Variants in AKAP6 observed in about 807,000 individuals in gnomAD.
The protein encoded by AKAP6 is A-kinase anchor protein 6.
A neutral mutation model predicts 188.5 loss-of-function variants in AKAP6; 58 were observed. The ratio of observed to expected loss-of-function variants is 0.31; its 90% CI spans 0.25 to 0.38. The LOEUF is 0.38. AKAP6 is among the 10% of genes least tolerant of loss of function. The pLI is 1.00. For missense variants in AKAP6, 2,710 were observed against 2,740.0 expected, an observed-to-expected ratio of 0.99 and a Z score of 0.24; for synonymous variants, 989 against 998.6, an observed-to-expected ratio of 0.99 and a Z score of 0.18.
chr14:32,473,531 A>G (rs749767890), intron 2 of AKAP6, among the ~76,000 whole-genome samples: 15 of 152,218 alleles, frequency 9.9e-5, no homozygotes, highest in Non-Finnish European at 2.2e-4. Context: ...CCAAAGCAGA[A>G]AGAGAGAAAG....
At chr14:32,498,702 G>A (rs1880451376) in intron 2 of AKAP6, among the ~76,000 whole-genome samples, 1 of 152,000 alleles carries the variant, frequency 6.6e-6, no homozygotes, top group African/African-American at 2.4e-5. Flanking sequence ...TGTAGTCAGG[G>A]AGCGAGAACT....
chr14:32,490,713 A>G, intron 2 of AKAP6, among the ~76,000 whole-genome samples: 1 of 152,172 alleles, frequency 6.6e-6, no homozygotes, highest in Non-Finnish European at 1.5e-5. Flanking sequence ...ACATCTGCAA[A>G]GACCTTGAGG....
At chr14:32,780,969 T>C (rs1342257083) in intron 12 of AKAP6, among the ~76,000 whole-genome samples, 1 of 151,972 alleles carries the variant, frequency 6.6e-6, no homozygotes, top group Non-Finnish European at 1.5e-5. Flanking sequence ...TAACAAAATA[T>C]TAAAATCTGT....
At chr14:32,399,027 G>C (rs1171539549) in intron 1 of AKAP6, among the ~76,000 whole-genome samples, 1 of 151,372 alleles carries the variant, frequency 6.6e-6, no homozygotes, top group Non-Finnish European at 1.5e-5. Context: ...AATTTCTTTT[G>C]TATTTTAGTA....
intron 4 of AKAP6, among the ~76,000 whole-genome samples, chr14:32,555,341 A>C (rs111770469): frequency 6.6e-6 from 1 of 152,280 alleles, no homozygotes; most frequent in African/African-American, 2.4e-5. Context: ...ACTCATTTTT[A>C]CATTTCTTTT....
chr14:32,654,544 T>C (rs1290265880), intron 7 of AKAP6, among the ~76,000 whole-genome samples: 1 of 151,996 alleles, frequency 6.6e-6, no homozygotes, highest in African/African-American at 2.4e-5. Context: ...AGATACCTTG[T>C]ACACAATTAG....
chr14:32,535,511 A>G (rs748371427), intron 2 of AKAP6, 43 bp from the exon 3 acceptor site: 3 of 1,582,160 alleles, frequency 1.9e-6, no homozygotes, highest in Non-Finnish European at 1.7e-6. Context: ...CCTCCAGGAT[A>G]AGGCAAAGTA....
intron 2 of AKAP6, among the ~76,000 whole-genome samples, chr14:32,445,396 G>A (rs1430488561): frequency 1.3e-5 from 2 of 151,796 alleles, no homozygotes; most frequent in Admixed American, 1.3e-4. Flanking sequence ...TTTTTGAGAT[G>A]GAGTCTCACT....
chr14:32,642,589 G>A (rs1887807111), intron 7 of AKAP6, among the ~76,000 whole-genome samples: 2 of 152,112 alleles, frequency 1.3e-5, no homozygotes, highest in Non-Finnish European at 2.9e-5. Flanking sequence ...GCTCAGAGGA[G>A]AGCAACAAAT....
intron 1 of AKAP6, among the ~76,000 whole-genome samples, chr14:32,376,993 C>T (rs1888178971): frequency 6.6e-6 from 1 of 152,284 alleles, no homozygotes; most frequent in African/African-American, 2.4e-5. Flanking sequence ...CCGCGCCCAG[C>T]CTGCAGGTTT....
intron 9 of AKAP6, among the ~76,000 whole-genome samples, chr14:32,713,284 A>G (rs1428191350): frequency 2.0e-5 from 3 of 152,052 alleles, no homozygotes; most frequent in South Asian, 2.1e-4. Flanking sequence ...GAGCACAGGC[A>G]GAGTAGAGTT....
chr14:32,690,044 A>G (rs1342630758), intron 8 of AKAP6, among the ~76,000 whole-genome samples: 1 of 150,954 alleles, frequency 6.6e-6, no homozygotes, highest in Non-Finnish European at 1.5e-5. Flanking sequence ...AATATTAAGC[A>G]TACAAAAGAT....
chr14:32,453,194 A>T lies in AKAP6; in HGVS notation c.324+19377A>T, dbSNP rs564234737. On this transcript the variant is annotated intron_variant, in intron 2 of 13. Transcript: ENST00000280979. The stretch of plus-strand genomic sequence containing the variant: ...GGATAATTTTTGTTTTAATCTGAGA[A>T]TTGGGTAACATATCATCCAGCTCCA... Among the ~76,000 whole-genome samples, 20 of 152,314 alleles carry T rather than the reference A, an allele frequency of 1.3e-4. No homozygotes were observed. The South Asian group carries it at 3.9e-3, about 30-fold the overall frequency.
intron 3 of AKAP6, among the ~76,000 whole-genome samples, chr14:32,543,959 G>T (rs1173005867): frequency 1.3e-5 from 2 of 152,194 alleles, no homozygotes; most frequent in African/African-American, 4.8e-5. Context: ...AAGGCTTTTT[G>T]TCTGTTTATC....
chr14:32,779,554 C>T (rs1019215301), intron 12 of AKAP6, among the ~76,000 whole-genome samples: 5 of 147,752 alleles, frequency 3.4e-5, no homozygotes, highest in African/African-American at 1.2e-4. Flanking sequence ...GATTTCAGAG[C>T]AAAGAAGATT....
chr14:32,644,497 G>A (rs1235272076), intron 7 of AKAP6, among the ~76,000 whole-genome samples: 1 of 152,104 alleles, frequency 6.6e-6, no homozygotes, highest in Non-Finnish European at 1.5e-5. Context: ...TAGTGCCCAG[G>A]GGAGTTTGTT....
intron 1 of AKAP6, among the ~76,000 whole-genome samples, chr14:32,371,913 C>T (rs1346532220): frequency 6.6e-6 from 1 of 152,158 alleles, no homozygotes; most frequent in Admixed American, 6.5e-5. Flanking sequence ...GATTAGTACT[C>T]TTTCACTCCT....
At chr14:32,776,237 A>G (rs2033056579) in intron 12 of AKAP6, among the ~76,000 whole-genome samples, 1 of 152,194 alleles carries the variant, frequency 6.6e-6, no homozygotes, top group African/African-American at 2.4e-5. Flanking sequence ...TGTAGCTCCC[A>G]TAATTCCTAG....
At chr14:32,715,756 C>T (rs993452674) in intron 9 of AKAP6, among the ~76,000 whole-genome samples, 1 of 126,682 alleles carries the variant, frequency 7.9e-6, no homozygotes, top group African/African-American at 2.6e-5. Context: ...CAGTGAAAGT[C>T]AATAAAAGGA....
Sources: allele counts gnomAD v4.1 joint callset (sites outside exome capture counted in the v4.1 genomes callset), GRCh38; gene constraint gnomAD v4.1.1; transcripts MANE v1.5; gene names NCBI Gene and HGNC (gene_info 2026-07-23, HGNC 2026-07-21).